Variants in ANAPC16 observed in about 807,000 individuals in gnomAD.
ANAPC16 encodes the protein anaphase promoting complex subunit 16, also known as anaphase-promoting complex subunit 16.
Under a neutral mutation model 13.1 loss-of-function variants are expected in ANAPC16, and 6 were observed. That is an observed-to-expected ratio of 0.46 (90% CI 0.25 to 0.90). The LOEUF (loss-of-function observed/expected upper bound fraction) is 0.90. ANAPC16 is among the 40% of genes least tolerant of loss of function. ANAPC16 has a pLI of 0.18. For synonymous variants in ANAPC16, 55 were observed against 51.3 expected (o/e 1.07, Z -0.31); for missense variants, 113 against 131.1 (o/e 0.86, Z 0.67).
At chr10:72,224,689 G>C (rs1369417709) in intron 2 of ANAPC16, among the ~76,000 whole-genome samples, 1 of 151,388 alleles carries the variant, frequency 6.6e-6, no homozygotes, top group Non-Finnish European at 1.5e-5. Context: ...GCTTTATCCT[G>C]GCACCTGTCT....
intron 1 of ANAPC16, among the ~76,000 whole-genome samples, chr10:72,219,212 G>A (rs934988446): frequency 6.6e-6 from 1 of 152,188 alleles, no homozygotes; most frequent in Non-Finnish European, 1.5e-5. Context: ...TAAGTTGTCT[G>A]TATACTTTAT....
chr10:72,220,925 TCCC>T (rs1182325891), intron 1 of ANAPC16: 1 of 151,804 alleles, frequency 6.6e-6, no homozygotes, highest in African/African-American at 2.4e-5. Context: ...TCCTTTTTTC[TCCC>T]CCGCCAAGAT....
intron 3 of ANAPC16, among the ~76,000 whole-genome samples, chr10:72,231,092 C>G (rs1472199335): frequency 6.6e-6 from 1 of 152,188 alleles, no homozygotes; most frequent in Non-Finnish European, 1.5e-5. Context: ...CCTCACCAGG[C>G]CTTCATTTCT....
rs67344471 is a variant in ANAPC16 at position 72,223,082 on chromosome 10, A to ATTTTTTT, written c.-27-785_-27-779dup. 30 of 86,414 alleles carry ATTTTTTT rather than the reference A, an allele frequency of 3.5e-4. 1 individual carries two copies. Among genetic ancestry groups the ATTTTTTT allele is most frequent in the African/African-American group, 1.1e-3 (22 of 20,664 alleles). The allele number at this position is 86,414 out of a possible 1,614,324, so 5.4% of individuals were successfully genotyped here. A position where few individuals can be genotyped will look rare whatever the true frequency, so the allele number is the denominator to read the frequency against. On this transcript the variant is annotated intron_variant, in intron 1 of 3. Coordinates refer to ENST00000299381, the MANE Select transcript of ANAPC16 (RefSeq NM_173473.4). ...GTATTACATTTAGATGAAAAGGTTA[A>ATTTTTTT]TTTTTTTTTTTTTTTTTTTTTTTTT...
At chr10:72,226,692 G>A (rs1860132645) in intron 2 of ANAPC16, among the ~76,000 whole-genome samples, 2 of 151,428 alleles carry the variant, frequency 1.3e-5, no homozygotes, top group Non-Finnish European at 2.9e-5. Flanking sequence ...GAAAAGAAAA[G>A]ATACAAACTA....
Position 72,223,986 on chromosome 10 carries a change from T to C in ANAPC16, c.72T>C (p.Ser24=), listed in dbSNP as rs1161262480. Residue 24 remains serine (S), a synonymous_variant, in exon 2 of 4, where the codon AGT becomes AGC. Coordinates refer to ENST00000299381, the MANE Select transcript of ANAPC16 (RefSeq NM_173473.4). ...GTTCTGTCACTGGATCTGGTTTCAG[T>C]GTCTCAGACCTTGCCCCACCACGGA... ...SGSSVTGSGF[S]VSDLAPPRKA... is the part of the protein sequence containing the mutation. 6.2e-7 allele frequency: 1 copy of C among 1,612,448 alleles called. No homozygotes were observed. The highest frequency in any genetic ancestry group is 8.5e-7 in the Non-Finnish European group (1 of 1,178,752).
chr10:72,222,627 A>C (rs1336229823), intron 1 of ANAPC16, among the ~76,000 whole-genome samples: 3 of 151,774 alleles, frequency 2.0e-5, no homozygotes, highest in Admixed American at 6.6e-5. Context: ...AAATACAAAA[A>C]TTAGCTGGGC....
intron 2 of ANAPC16, among the ~76,000 whole-genome samples, chr10:72,228,221 G>C (rs1453901019): frequency 1.3e-5 from 2 of 152,004 alleles, no homozygotes; most frequent in African/African-American, 4.8e-5. Flanking sequence ...TAACTTTTTT[G>C]TGCCTCTGCT....
chr10:72,220,883 C>A (rs997877415), intron 1 of ANAPC16: 2 of 151,448 alleles, frequency 1.3e-5, no homozygotes. Flanking sequence ...AAAATTCTCT[C>A]TGACCATTAT....
At chr10:72,216,303 A>G (rs530731099) in intron 1 of ANAPC16, 165 bp downstream of exon 1, 46 of 160,596 alleles carry the variant, frequency 2.9e-4, no homozygotes, top group Non-Finnish European at 4.4e-4. Context: ...GGTTTGACCG[A>G]GTGCGCATGC....
intron 3 of ANAPC16, among the ~76,000 whole-genome samples, chr10:72,232,589 GAA>G (rs945154864): frequency 2.4e-5 from 3 of 124,770 alleles, no homozygotes; most frequent in African/African-American, 8.9e-5. Flanking sequence ...ATCTTGAGGA[GAA>G]AAAAAAATCC....
rs946186328 is a variant in ANAPC16, at chr10:72,233,805, A to G, written c.*689A>G. The G allele has an allele frequency of 2.0e-5, 3 of 152,608 alleles. No homozygotes were observed. The highest frequency in any genetic ancestry group is 4.4e-5 in the Non-Finnish European group (3 of 68,024). 9.5% of individuals were successfully genotyped at this position (152,608 alleles called of 1,614,324 possible). A position where few individuals can be genotyped will look rare whatever the true frequency, so the allele number is the denominator to read the frequency against. On this transcript the variant is annotated 3_prime_UTR_variant, in exon 4 of 4. Coordinates refer to ENST00000299381, the MANE Select transcript of ANAPC16 (RefSeq NM_173473.4). ...GTGGACTCAAGCAATTCTGTAGCAAATAAATCCTTTGAAAGAGCTCCAAAT... is the reference window on the plus strand; with the variant it reads ...GTGGACTCAAGCAATTCTGTAGCAAGTAAATCCTTTGAAAGAGCTCCAAAT...
chr10:72,230,285 A>C, intron 2 of ANAPC16, 81 bp from the exon 3 acceptor site: 1 of 1,074,726 alleles, frequency 9.3e-7, no homozygotes, highest in East Asian at 2.4e-5. Flanking sequence ...AGCAGGGAAA[A>C]GAATAGACAA....
At chr10:72,229,137 CTG>C (rs1330657421) in intron 2 of ANAPC16, among the ~76,000 whole-genome samples, 1 of 151,286 alleles carries the variant, frequency 6.6e-6, no homozygotes, top group Non-Finnish European at 1.5e-5. Flanking sequence ...TTTTTTGAGA[CTG>C]AGTTTGAATT....
At chr10:72,223,792 T>A in intron 1 of ANAPC16, 96 bp from the exon 2 acceptor site, 1 of 1,027,740 alleles carries the variant, frequency 9.7e-7, no homozygotes, top group Non-Finnish European at 1.4e-6. Context: ...GCTAACTCTT[T>A]ACAAAACTGT....
intron 3 of ANAPC16, among the ~76,000 whole-genome samples, 193 bp from the exon 4 acceptor site, chr10:72,232,808 A>G (rs989225249): frequency 2.6e-5 from 4 of 151,680 alleles, no homozygotes; most frequent in African/African-American, 9.7e-5. Context: ...GTTTCACCAT[A>G]TTGGCCAGGA....
chr10:72,216,484 C>CG (rs1235627687), intron 1 of ANAPC16, among the ~76,000 whole-genome samples: 2 of 92,398 alleles, frequency 2.2e-5, no homozygotes, highest in Non-Finnish European at 4.0e-5. Flanking sequence ...GTTCCCGCCC[C>CG]CCCCCCCCCC....
intron 2 of ANAPC16, among the ~76,000 whole-genome samples, chr10:72,230,078 G>A (rs964826949): frequency 3.3e-5 from 5 of 152,162 alleles, no homozygotes; most frequent in African/African-American, 1.2e-4. Flanking sequence ...TCTCAGGTTG[G>A]GAGGAGGGAA....
At chr10:72,218,527 T>C (rs538098931) in intron 1 of ANAPC16, among the ~76,000 whole-genome samples, 12 of 152,240 alleles carry the variant, frequency 7.9e-5, no homozygotes, top group Middle Eastern at 3.4e-3. Context: ...TATTTTTTCA[T>C]ATATAAAATG....
Sources: allele counts gnomAD v4.1 joint callset (sites outside exome capture counted in the v4.1 genomes callset), GRCh38; gene constraint gnomAD v4.1.1; transcripts MANE v1.5; gene names NCBI Gene and HGNC (gene_info 2026-07-23, HGNC 2026-07-21).